The following SLC35F4 variants were observed in gnomAD, a reference collection of about 807,000 sequenced individuals.
SLC35F4 encodes chromosome 14 open reading frame 36.
Under a neutral mutation model 44.2 loss-of-function variants are expected in SLC35F4, and 24 were observed. That is an observed-to-expected ratio of 0.54 (90% confidence interval 0.39 to 0.76). SLC35F4 has a LOEUF of 0.76. Ranked by LOEUF, SLC35F4 falls within the 30% of genes least tolerant of loss-of-function variation. The probability of loss-of-function intolerance (pLI) is 0.00; values close to 1 mark genes in which losing one functional copy is unlikely to be tolerated. For missense variants in SLC35F4, 562 were observed against 586.1 expected (o/e 0.96, Z 0.42); for synonymous variants, 238 against 223.6 (o/e 1.06, Z -0.57).
intron 1 of SLC35F4, among the ~76,000 whole-genome samples, chr14:57,970,870 C>T (rs776798215): frequency 6.6e-6 from 1 of 152,202 alleles, no homozygotes; most frequent in South Asian, 2.1e-4. Context: ...CTTTTCCTTG[C>T]TCCTATGCTG....
At chr14:57,583,991 ACAG>A (rs2069498286) in intron 3 of SLC35F4, among the ~76,000 whole-genome samples, 2 of 152,252 alleles carry the variant, frequency 1.3e-5, no homozygotes, top group East Asian at 1.9e-4. Context: ...TATTATTAAA[ACAG>A]CAGCCACTAG....
At chr14:57,689,537 A>G (rs1215724934) in intron 1 of SLC35F4, among the ~76,000 whole-genome samples, 1 of 152,188 alleles carries the variant, frequency 6.6e-6, no homozygotes, top group Non-Finnish European at 1.5e-5. Context: ...GCCATTTTCT[A>G]TAACAATAGA....
intron 1 of SLC35F4, among the ~76,000 whole-genome samples, chr14:57,670,038 T>G (rs531691263): frequency 6.6e-6 from 1 of 152,162 alleles, no homozygotes; most frequent in Non-Finnish European, 1.5e-5. Context: ...GAGATTCAAC[T>G]TCTTCCTGGT....
intron 1 of SLC35F4, among the ~76,000 whole-genome samples, chr14:57,903,077 A>G (rs1889039892): frequency 6.6e-6 from 1 of 152,208 alleles, no homozygotes; most frequent in Non-Finnish European, 1.5e-5. Context: ...CCATGAGGGC[A>G]GAGACTTTGA....
At chr14:57,856,604 T>C (rs1470459170) in intron 1 of SLC35F4, among the ~76,000 whole-genome samples, 2 of 152,066 alleles carry the variant, frequency 1.3e-5, no homozygotes. Context: ...ATCAATAACA[T>C]ATACAACGAT....
chr14:57,769,774 T>C (rs1001811024), intron 1 of SLC35F4, among the ~76,000 whole-genome samples: 1 of 152,222 alleles, frequency 6.6e-6, no homozygotes, highest in South Asian at 2.1e-4. Context: ...TTAGGGATTC[T>C]GTAACAGACA....
chr14:57,633,206 T>C (rs1027029142), intron 1 of SLC35F4, among the ~76,000 whole-genome samples: 1 of 152,132 alleles, frequency 6.6e-6, no homozygotes, highest in Non-Finnish European at 1.5e-5. Flanking sequence ...ATGTGCAGGA[T>C]TTTTTGCAGA....
intron 1 of SLC35F4, among the ~76,000 whole-genome samples, chr14:57,753,194 T>C (rs1380134820): frequency 2.0e-5 from 3 of 152,330 alleles, no homozygotes; most frequent in Admixed American, 1.3e-4. Flanking sequence ...TGGTGGTTTC[T>C]GCAAAGATGG....
downstream of SLC35F4, among the ~76,000 whole-genome samples, chr14:57,976,561 A>C (rs1036155760): frequency 6.6e-6 from 1 of 152,236 alleles, no homozygotes; most frequent in African/African-American, 2.4e-5. Context: ...TTGAAGACTT[A>C]CAGCACATAG....
chr14:57,892,173 C>T (rs1057442161), intron 1 of SLC35F4, among the ~76,000 whole-genome samples: 5 of 152,164 alleles, frequency 3.3e-5, no homozygotes, highest in Non-Finnish European at 7.4e-5. Flanking sequence ...TATCTCTTCA[C>T]TTCTAGTCAA....
chr14:57,659,825 A>G (rs1395185809), intron 1 of SLC35F4, among the ~76,000 whole-genome samples: 1 of 152,206 alleles, frequency 6.6e-6, no homozygotes, highest in Non-Finnish European at 1.5e-5. Flanking sequence ...AAATAACAGT[A>G]AAATGTTTTG....
intron 1 of SLC35F4, among the ~76,000 whole-genome samples, chr14:57,914,878 G>T (rs1889286500): frequency 6.6e-6 from 1 of 152,030 alleles, no homozygotes; most frequent in South Asian, 2.1e-4. Flanking sequence ...TAGGATCTCG[G>T]GGCAGCCCTA....
At chr14:57,764,267 AG>A (rs2140641944) in intron 1 of SLC35F4, among the ~76,000 whole-genome samples, 1 of 152,316 alleles carries the variant, frequency 6.6e-6, no homozygotes, top group South Asian at 2.1e-4. Context: ...ATGTAGCAAT[AG>A]TCAACTAACA....
At chr14:57,621,387 TGGA>T (rs1476207560) in intron 1 of SLC35F4, among the ~76,000 whole-genome samples, 2 of 152,034 alleles carry the variant, frequency 1.3e-5, no homozygotes, top group Non-Finnish European at 2.9e-5. Flanking sequence ...AGAACAAAGC[TGGA>T]GGCAACACTC....
At chr14:57,939,593 G>A (rs931791541) in intron 1 of SLC35F4, among the ~76,000 whole-genome samples, 6 of 152,298 alleles carry the variant, frequency 3.9e-5, no homozygotes, top group East Asian at 1.9e-4. Flanking sequence ...ATCTCAGAGC[G>A]AGGAAGGGTA....
intron 1 of SLC35F4, among the ~76,000 whole-genome samples, chr14:57,849,135 T>C (rs1886305778): frequency 6.6e-6 from 1 of 152,174 alleles, no homozygotes; most frequent in South Asian, 2.1e-4. Context: ...CTCTAGAATA[T>C]AAGCACATAA....
At chr14:57,731,225 T>C (rs1314939524) in intron 1 of SLC35F4, among the ~76,000 whole-genome samples, 3 of 152,186 alleles carry the variant, frequency 2.0e-5, no homozygotes, top group Non-Finnish European at 2.9e-5. Context: ...GGGGTCAGTG[T>C]CTCTACTTCC....
At chr14:57,835,433 A>G (rs1257540221) in intron 1 of SLC35F4, among the ~76,000 whole-genome samples, 1 of 152,084 alleles carries the variant, frequency 6.6e-6, no homozygotes, top group Non-Finnish European at 1.5e-5. Flanking sequence ...ACAGTTTCTA[A>G]CTCTCCCAAC....
chr14:57,648,631 C>T (rs951202566), intron 1 of SLC35F4, among the ~76,000 whole-genome samples: 3 of 152,086 alleles, frequency 2.0e-5, no homozygotes, highest in African/African-American at 7.2e-5. Flanking sequence ...TCAATTAAAA[C>T]TATAAATATG....
Sources: allele counts gnomAD v4.1 joint callset (sites outside exome capture counted in the v4.1 genomes callset), GRCh38; gene constraint gnomAD v4.1.1; transcripts MANE v1.5; gene names NCBI Gene and HGNC (gene_info 2026-07-23, HGNC 2026-07-21).